The following AFF2 variants were observed in gnomAD, a reference collection of about 807,000 sequenced individuals.
AFF2 encodes the protein AF4/FMR2 family member 2.
In AFF2, 14 loss-of-function variants were observed where a neutral mutation model predicts 76.9. The ratio of observed to expected loss-of-function variants is 0.18; its 90% CI spans 0.12 to 0.28. The LOEUF is 0.28. Ranked by LOEUF, AFF2 falls within the 10% of genes least tolerant of loss-of-function variation. The pLI is 1.00. For missense variants in AFF2, 868 were observed against 1,001.1 expected, an observed-to-expected ratio of 0.87 and a Z score of 1.79; for synonymous variants, 398 against 366.7, an observed-to-expected ratio of 1.09 and a Z score of -0.98.
chrX:148,742,062 GCTGGTTTGTTCTTGCATTCAAT>G (rs1369862666), intron 3 of AFF2, among the ~76,000 whole-genome samples: 12 of 111,401 alleles, frequency 1.1e-4, no homozygotes, highest in Non-Finnish European at 1.9e-4. Context: ...TCTCAGGATT[GCTGGTTTGTTCTTGCATTCAAT>G]CTGGAGCTAA....
chrX:148,501,260 C>T, intron 1 of AFF2, 116 bp downstream of exon 1: 1 of 959,344 alleles, frequency 1.0e-6, no homozygotes, highest in Non-Finnish European at 1.4e-6. Flanking sequence ...GGACTCCCTC[C>T]CACTTGCTCT....
chrX:148,825,921 T>C (rs1480503164), intron 4 of AFF2, among the ~76,000 whole-genome samples: 1 of 109,861 alleles, frequency 9.1e-6, no homozygotes, highest in Non-Finnish European at 1.9e-5. Context: ...CAAGTAACAG[T>C]TGGAATCCCA....
chrX:148,987,673 A>G (rs1486082717), intron 20 of AFF2, 116 bp downstream of exon 20: 3 of 656,751 alleles, frequency 4.6e-6, no homozygotes, highest in Non-Finnish European at 6.9e-6. Context: ...TGATTTCCAG[A>G]ACTTAGATAA....
chrX:148,975,346 T>G (rs191490794), intron 16 of AFF2, among the ~76,000 whole-genome samples: 2 of 112,213 alleles, frequency 1.8e-5, no homozygotes, highest in East Asian at 5.6e-4. Context: ...CACCAAATAA[T>G]AATAGAACAG....
At chrX:148,939,525 G>A (rs935021663) in intron 9 of AFF2, among the ~76,000 whole-genome samples, 12 of 111,941 alleles carry the variant, frequency 1.1e-4, no homozygotes, top group Non-Finnish European at 2.3e-4. Context: ...CCCAAATGTG[G>A]GTTGTTGTAT....
At chrX:148,928,122 T>C (rs960484393) in intron 9 of AFF2, among the ~76,000 whole-genome samples, 6 of 111,830 alleles carry the variant, frequency 5.4e-5, no homozygotes, top group Non-Finnish European at 1.1e-4. Flanking sequence ...CAGAACTCTC[T>C]ACAAGGGCAT....
At chrX:148,931,266 A>AT in intron 9 of AFF2, among the ~76,000 whole-genome samples, 1 of 107,937 alleles carries the variant, frequency 9.3e-6, no homozygotes, top group East Asian at 2.9e-4. Context: ...AAAAAAAAAA[A>AT]AAAAAAAAAA....
chrX:148,795,256 G>C (rs782781478), intron 3 of AFF2, among the ~76,000 whole-genome samples: 32 of 111,330 alleles, frequency 2.9e-4, no homozygotes, highest in African/African-American at 1.0e-3. Context: ...TGTTCTTAAA[G>C]TTTTGAATTA....
At chrX:148,680,241 T>A (rs2054532500) in intron 3 of AFF2, among the ~76,000 whole-genome samples, 1 of 112,328 alleles carries the variant, frequency 8.9e-6, no homozygotes, top group Non-Finnish European at 1.9e-5. Context: ...ACAGAATAGG[T>A]GCTCATTAAA....
At chrX:148,918,462 A>C (rs977746432) in intron 9 of AFF2, among the ~76,000 whole-genome samples, 2 of 112,071 alleles carry the variant, frequency 1.8e-5, no homozygotes, top group African/African-American at 6.5e-5. Flanking sequence ...TGAGTAGTGA[A>C]GATCTCATGT....
intron 3 of AFF2, among the ~76,000 whole-genome samples, chrX:148,683,349 T>C: frequency 8.9e-6 from 1 of 112,013 alleles, no homozygotes; most frequent in East Asian, 2.8e-4. Context: ...AAATTACATA[T>C]GTGTTCTTTT....
intron 3 of AFF2, among the ~76,000 whole-genome samples, chrX:148,784,712 T>C (rs1032451804): frequency 4.5e-5 from 5 of 112,240 alleles, no homozygotes; most frequent in Non-Finnish European, 9.4e-5. Flanking sequence ...TGTACATAAT[T>C]GCTCAATTGC....
At position 148,914,261 on chromosome X, in the gene AFF2, A is replaced by C. The variant is rs370533619; in HGVS notation, c.1397+10003A>C. On this transcript the variant is annotated intron_variant, in intron 9 of 20. Transcript: ENST00000370460. ...AGAAAGCAGATGCTGTGTTGTGAGC[A>C]ATGTCTGGTACTTAGAGGCAGCTGG... 9.0e-5 allele frequency among the ~76,000 whole-genome samples: 10 copies of C among 111,509 alleles called. No individual in the cohort carries two copies. The East Asian group carries it at 2.8e-3, about 32-fold the overall frequency.
At chrX:148,989,015 A>C (rs2072505382) in intron 20 of AFF2, among the ~76,000 whole-genome samples, 1 of 112,400 alleles carries the variant, frequency 8.9e-6, no homozygotes, top group Non-Finnish European at 1.9e-5. Flanking sequence ...CTAGAGAGCA[A>C]GATTAATGAC....
intron 3 of AFF2, among the ~76,000 whole-genome samples, chrX:148,776,635 T>C (rs782526915): frequency 8.9e-5 from 10 of 112,681 alleles, no homozygotes; most frequent in Non-Finnish European, 1.7e-4. Flanking sequence ...TTTTCATGTT[T>C]GTTGGCTGCA....
At chrX:148,517,634 C>G (rs2052550327) in intron 1 of AFF2, among the ~76,000 whole-genome samples, 1 of 111,936 alleles carries the variant, frequency 8.9e-6, no homozygotes, top group Non-Finnish European at 1.9e-5. Flanking sequence ...CAAATCATTT[C>G]TTGTACTGCA....
intron 3 of AFF2, among the ~76,000 whole-genome samples, chrX:148,697,457 C>T (rs1557261397): frequency 9.0e-6 from 1 of 111,487 alleles, no homozygotes; most frequent in Non-Finnish European, 1.9e-5. Context: ...CGTTATAGAT[C>T]TTGCCTTTAT....
intron 3 of AFF2, among the ~76,000 whole-genome samples, chrX:148,708,333 A>G (rs2054911931): frequency 8.9e-6 from 1 of 112,016 alleles, no homozygotes; most frequent in East Asian, 2.8e-4. Context: ...CTGTCACTCC[A>G]TTAGAGACAA....
At chrX:148,919,960 T>C (rs1368365806) in intron 9 of AFF2, among the ~76,000 whole-genome samples, 6 of 112,042 alleles carry the variant, frequency 5.4e-5, no homozygotes, top group Non-Finnish European at 1.1e-4. Flanking sequence ...TTCTTGGATT[T>C]GGTAGTTTGG....
Sources: allele counts gnomAD v4.1 joint callset (sites outside exome capture counted in the v4.1 genomes callset), GRCh38; gene constraint gnomAD v4.1.1; transcripts MANE v1.5; gene names NCBI Gene and HGNC (gene_info 2026-07-23, HGNC 2026-07-21).